SYNE1: variants seen among roughly 807,000 people sequenced by gnomAD.
The protein encoded by SYNE1 is spectrin repeat containing nuclear envelope protein 1.
In SYNE1, 616 loss-of-function variants were observed where a neutral mutation model predicts 1,111.0. The ratio of observed to expected loss-of-function variants is 0.55; its 90% confidence interval spans 0.52 to 0.59. SYNE1 has a LOEUF of 0.59. Among genes scored for constraint, SYNE1 ranks in the 20% least tolerant of loss-of-function variants. The probability of loss-of-function intolerance (pLI) is 0.00; values close to 1 mark genes in which losing one functional copy is unlikely to be tolerated. For missense variants in SYNE1, 10,006 were observed against 10,417.0 expected, an observed-to-expected ratio of 0.96 and a Z score of 1.72; for synonymous variants, 3,855 against 3,825.8, an observed-to-expected ratio of 1.01 and a Z score of -0.28.
chr6:152,625,921 T>C (rs1304790271), intron 3 of SYNE1, among the ~76,000 whole-genome samples: 2 of 152,144 alleles, frequency 1.3e-5, no homozygotes, highest in Non-Finnish European at 2.9e-5. Flanking sequence ...ACAACAGTTC[T>C]GAGAGGGGCT....
At chr6:152,535,669 A>G (rs895104209) in intron 4 of SYNE1, among the ~76,000 whole-genome samples, 5 of 152,222 alleles carry the variant, frequency 3.3e-5, no homozygotes, top group African/African-American at 1.2e-4. Flanking sequence ...AGAAAATATG[A>G]AACTGCAAGC....
In SYNE1 at chr6:152,231,462, T is replaced by A. The variant is rs1408850499; in HGVS notation, c.20968A>T (p.Thr6990Ser). Reference protein sequence around the residue: ...QDVESKRSDKTDFAEQLGAMN... With the variant: ...QDVESKRSDKSDFAEQLGAMN... Reference sequence around the variant, plus strand: ...GCTCCAAGTTGCTCAGCAAAATCAGTCTTATCACTACGCTTACTTTCCACA... The same window carrying A: ...GCTCCAAGTTGCTCAGCAAAATCAGACTTATCACTACGCTTACTTTCCACA... The change falls in exon 114 of 146, where the codon ACT becomes TCT. Residue 6990 changes from threonine to serine, a missense_variant. Thr to Ser is a moderately conservative substitution (Grantham distance 58). This residue lies in a region of SYNE1 where 2,182 missense variants were observed against 2,287.8 expected (regional missense o/e 0.95). Coordinates refer to ENST00000367255, the MANE Select transcript of SYNE1 (RefSeq NM_182961.4). 2 of 1,614,032 alleles carry A rather than the reference T, an allele frequency of 1.2e-6. No homozygotes were observed. Among genetic ancestry groups the A allele is most frequent in the African/African-American group, 2.7e-5 (2 of 74,906 alleles).
At chr6:152,505,818 C>A (rs913191780) in intron 8 of SYNE1, among the ~76,000 whole-genome samples, 2 of 108,792 alleles carry the variant, frequency 1.8e-5, no homozygotes, top group Non-Finnish European at 3.5e-5. Context: ...CAGTAATTAA[C>A]CACTGTAAAT....
chr6:152,310,045 A>T (rs774463568), intron 89 of SYNE1, 28 bp from the exon 90 acceptor site: 1 of 1,597,726 alleles, frequency 6.3e-7, no homozygotes, highest in East Asian at 2.3e-5. Context: ...TAGTTCAAAA[A>T]TTTAATATTT....
chr6:152,519,411 G>A (rs75469375), intron 6 of SYNE1, among the ~76,000 whole-genome samples: 2,527 of 152,156 alleles, frequency 0.017, 30 homozygotes, highest in Non-Finnish European at 0.025. Context: ...ATATTAAAAA[G>A]GTACAGGTGC....
Position 152,330,065 on chromosome 6 carries a change from C to A in SYNE1, c.14620G>T (p.Glu4874Ter). The stretch of plus-strand genomic sequence containing the variant: ...CGGCTCTCACATTCTGTCACCGTCT[C>A]ACCAATGGCAGAAGTCAACAGTTTT... Reference protein sequence around the residue: ...ELKLLTSAIGETVTECESRMV... With the variant: ...ELKLLTSAIG The change falls in exon 78 of 146, where the codon GAG (glutamate) becomes TAG (stop). Residue 4874 changes from glutamate (E) to a stop codon, truncating the protein, a stop_gained. Coordinates refer to ENST00000367255, the MANE Select transcript of SYNE1 (RefSeq NM_182961.4). LOFTEE classifies it high-confidence loss of function. 2 of 1,614,150 alleles carry A rather than the reference C, an allele frequency of 1.2e-6. No individual in the cohort carries two copies. The highest frequency in any genetic ancestry group is 1.7e-6 in the Non-Finnish European group (2 of 1,180,012).
chr6:152,336,365 T>G (rs191775763), intron 76 of SYNE1: 1 of 196,948 alleles, frequency 5.1e-6, no homozygotes, highest in East Asian at 1.3e-4. Context: ...TCAGATTTGC[T>G]ATTCCTTAAA....
At chr6:152,358,252 G>A (rs2096872655) in intron 66 of SYNE1, 121 bp downstream of exon 66, 3 of 1,304,556 alleles carry the variant, frequency 2.3e-6, no homozygotes, top group African/African-American at 1.5e-5. Context: ...TATGGGGATT[G>A]CACTTAATGT....
In SYNE1 at chr6:152,308,497, G is replaced by A. The variant is rs202041462; in HGVS notation, c.17338C>T (p.Arg5780Trp). The A allele has an allele frequency of 9.3e-6, 15 of 1,613,966 alleles. No homozygotes were observed. Among genetic ancestry groups the A allele is most frequent in the South Asian group, 3.3e-5 (3 of 91,058 alleles). Residue 5780 changes from arginine to tryptophan, a missense_variant, in exon 91 of 146, where the codon CGG (arginine) becomes TGG (tryptophan). This residue lies in a region of SYNE1 where 4,955 missense variants were observed against 5,017.2 expected (regional missense o/e 0.99). Coordinates refer to ENST00000367255, the MANE Select transcript of SYNE1 (RefSeq NM_182961.4). ...NIQELQAQIS[R>W]HEELAQKIKG... ...GCCTACATTCCTCTCACCTCATGCC[G>A]AGAAATCTGAGCCTGCAGCTCCTGT...
chr6:152,248,467 T>A (rs1408468091), intron 105 of SYNE1, among the ~76,000 whole-genome samples: 24 of 151,808 alleles, frequency 1.6e-4, no homozygotes, highest in Admixed American at 1.4e-3. Flanking sequence ...ATTTCCTTTT[T>A]TTTTTAGCTA....
At chr6:152,457,234 G>A (rs1193314193) in intron 22 of SYNE1, among the ~76,000 whole-genome samples, 1 of 152,092 alleles carries the variant, frequency 6.6e-6, no homozygotes, top group Admixed American at 6.6e-5. Context: ...TGTATCTAAT[G>A]TAATATCTGC....
chr6:152,236,629 A>T (rs1193760428), intron 109 of SYNE1, among the ~76,000 whole-genome samples, 188 bp downstream of exon 109: 1 of 152,220 alleles, frequency 6.6e-6, no homozygotes, highest in East Asian at 1.9e-4. Context: ...CTCTCAGTAA[A>T]AAAAAGAAAA....
At chr6:152,462,403 C>T in intron 20 of SYNE1, 1 of 405,292 alleles carries the variant, frequency 2.5e-6, no homozygotes, top group Non-Finnish European at 4.3e-6. Flanking sequence ...ATGCAAATAC[C>T]ACAGTTCATG....
At chr6:152,139,272 T>C (rs2057834995) in intron 140 of SYNE1, among the ~76,000 whole-genome samples, 1 of 152,102 alleles carries the variant, frequency 6.6e-6, no homozygotes, top group South Asian at 2.1e-4. Flanking sequence ...TTTTCTGCCC[T>C]TGAAAACCAT....
At chr6:152,247,499 G>GA (rs887871183) in intron 105 of SYNE1, among the ~76,000 whole-genome samples, 4 of 150,296 alleles carry the variant, frequency 2.7e-5, no homozygotes, top group African/African-American at 9.8e-5. Flanking sequence ...TATAAGCCAA[G>GA]AAAAAAAACA....
chr6:152,344,246 G>C lies in SYNE1; in HGVS notation c.12079-19C>G, dbSNP rs1368940777. ...GGTACATCTGAGACAATACAATCAT[G>C]CTGAGATTATGAGAACTGCTTTCTA... On this transcript the variant is annotated intron_variant, in intron 73 of 145. Transcript: ENST00000367255. The C allele has an allele frequency of 1.9e-6, 3 of 1,614,028 alleles. No individual in the cohort carries two copies. In the South Asian group the frequency reaches 3.3e-5, roughly 18 times the overall value.
At position 152,419,301 on chromosome 6, in the gene SYNE1, C is replaced by T. The variant is rs111912411; in HGVS notation, c.5421+268G>A. Among the ~76,000 whole-genome samples, 395 of 152,246 alleles carry T rather than the reference C, an allele frequency of 2.6e-3. 4 individuals carry two copies. The highest frequency in any genetic ancestry group is 9.1e-3 in the African/African-American group (380 of 41,546). Reference sequence around the variant, plus strand: ...AGCTTAAAAATGGACATTCTTATCACTTTATCCTAGCAATCATTTGCTCCA... The same window carrying T: ...AGCTTAAAAATGGACATTCTTATCATTTTATCCTAGCAATCATTTGCTCCA... On this transcript the variant is annotated intron_variant, in intron 40 of 145. Coordinates refer to ENST00000367255, the MANE Select transcript of SYNE1 (RefSeq NM_182961.4).
chr6:152,485,179 T>C (rs893341907), intron 12 of SYNE1, among the ~76,000 whole-genome samples: 3 of 152,224 alleles, frequency 2.0e-5, no homozygotes, highest in African/African-American at 7.2e-5. Flanking sequence ...GCTTTCTTCA[T>C]ATTATCCTCT....
At chr6:152,284,943 T>C (rs1054089401) in intron 95 of SYNE1, among the ~76,000 whole-genome samples, 2 of 152,100 alleles carry the variant, frequency 1.3e-5, no homozygotes, top group African/African-American at 2.4e-5. Flanking sequence ...CTCATTTTTC[T>C]CATTTACCAA....
Sources: allele counts gnomAD v4.1 joint callset (sites outside exome capture counted in the v4.1 genomes callset), GRCh38; gene constraint gnomAD v4.1.1; regional missense constraint gnomAD v4.1.1; transcripts MANE v1.5; gene names NCBI Gene and HGNC (gene_info 2026-07-23, HGNC 2026-07-21).